Variants in CDC42SE2 observed in about 807,000 individuals in gnomAD.
The protein encoded by CDC42SE2 is CDC42 small effector protein 2.
A neutral mutation model predicts 11.5 loss-of-function variants in CDC42SE2; 3 were observed. The ratio of observed to expected loss-of-function variants is 0.26; its 90% CI spans 0.12 to 0.67. CDC42SE2 has a LOEUF of 0.67. CDC42SE2 is among the 30% of genes least tolerant of loss of function. CDC42SE2 has a pLI of 0.80. For missense variants in CDC42SE2, 82 were observed against 106.8 expected (o/e 0.77, Z 1.02); for synonymous variants, 33 against 34.8 (o/e 0.95, Z 0.18).
chr5:131,251,669 C>G (rs1756639092), intron 1 of CDC42SE2, among the ~76,000 whole-genome samples: 3 of 152,156 alleles, frequency 2.0e-5, no homozygotes, highest in Admixed American at 1.3e-4. Flanking sequence ...TGTGCAATTA[C>G]TCTTCTAAGG....
chr5:131,378,101 G>A (rs1750207818), intron 3 of CDC42SE2, among the ~76,000 whole-genome samples: 1 of 152,204 alleles, frequency 6.6e-6, no homozygotes. Flanking sequence ...TGAGCCATGT[G>A]CTGTGAATGT....
chr5:131,383,151 A>C (rs1750372464), intron 3 of CDC42SE2, among the ~76,000 whole-genome samples: 1 of 152,188 alleles, frequency 6.6e-6, no homozygotes. Flanking sequence ...GGCATGCAGC[A>C]CTCCAGATCA....
intron 2 of CDC42SE2, among the ~76,000 whole-genome samples, chr5:131,320,262 C>T (rs1360348064): frequency 2.7e-5 from 4 of 150,498 alleles, no homozygotes; most frequent in African/African-American, 9.8e-5. Context: ...CGTGGTGGTG[C>T]ATGCCTGTAA....
At chr5:131,336,191 T>C (rs963960086) in intron 2 of CDC42SE2, among the ~76,000 whole-genome samples, 3 of 152,238 alleles carry the variant, frequency 2.0e-5, no homozygotes, top group Admixed American at 2.0e-4. Context: ...CAGCATTTGC[T>C]TGTCTGTAAA....
intron 1 of CDC42SE2, among the ~76,000 whole-genome samples, chr5:131,252,036 G>A (rs1580715213): frequency 7.0e-6 from 1 of 141,966 alleles, no homozygotes; most frequent in Non-Finnish European, 1.5e-5. Flanking sequence ...AAGAAAAAAA[G>A]AGAGAAAGAA....
chr5:131,348,735 C>T lies in CDC42SE2; in HGVS notation c.-285-10474C>T, dbSNP rs191742702. 2.7e-5 allele frequency among the ~76,000 whole-genome samples: 4 copies of T among 147,086 alleles called. No homozygotes were observed. In the East Asian group the frequency reaches 7.7e-4, roughly 28 times the overall value. ...GTGGAGGCATCACACTATCTGACTT[C>T]AAACTATACTACAAGGCTACAGTAA... On this transcript the variant is annotated intron_variant, in intron 2 of 4. Coordinates refer to ENST00000505065, the MANE Select transcript of CDC42SE2 (RefSeq NM_001375635.1).
In CDC42SE2 at chr5:131,393,496, G is replaced by A. The variant is rs1750729471; in HGVS notation, c.*2405G>A. On this transcript the variant is annotated 3_prime_UTR_variant, in exon 5 of 5. Coordinates refer to ENST00000505065, the MANE Select transcript of CDC42SE2 (RefSeq NM_001375635.1). ...TGTTTAATAACAACTTCTAAAGTAA[G>A]TTGAATTCATCCATTGTCACTGATT... 6.6e-6 allele frequency: 1 copy of A among 152,382 alleles called. No homozygotes were observed. Among genetic ancestry groups the A allele is most frequent in the Admixed American group, 6.5e-5 (1 of 15,274 alleles). The allele number at this position is 152,382 out of a possible 1,614,324, so 9.4% of individuals were successfully genotyped here.
At chr5:131,336,587 C>G (rs568439631) in intron 2 of CDC42SE2, among the ~76,000 whole-genome samples, 3 of 152,196 alleles carry the variant, frequency 2.0e-5, no homozygotes, top group Non-Finnish European at 4.4e-5. Context: ...GTTCCATTCT[C>G]CCCGTCACTT....
chr5:131,343,278 A>G (rs1210799963), intron 2 of CDC42SE2, among the ~76,000 whole-genome samples: 1 of 152,212 alleles, frequency 6.6e-6, no homozygotes, highest in Non-Finnish European at 1.5e-5. Flanking sequence ...AATGTCTAGT[A>G]GACTCAAGAG....
At chr5:131,374,692 C>T (rs543464867) in intron 3 of CDC42SE2, among the ~76,000 whole-genome samples, 1 of 151,978 alleles carries the variant, frequency 6.6e-6, no homozygotes, top group Non-Finnish European at 1.5e-5. Flanking sequence ...ACACTCTTCA[C>T]ATAGAGTTAA....
chr5:131,243,585 C>CA (rs995240768), upstream of CDC42SE2, among the ~76,000 whole-genome samples: 1 of 151,896 alleles, frequency 6.6e-6, no homozygotes, highest in Middle Eastern at 3.4e-3. Context: ...GACTCCGTCT[C>CA]AAAAAAAATA....
At chr5:131,383,256 A>AAGAT (rs1171048525) in intron 3 of CDC42SE2, among the ~76,000 whole-genome samples, 3 of 152,216 alleles carry the variant, frequency 2.0e-5, no homozygotes, top group Non-Finnish European at 1.5e-5. Context: ...ATGCGAGAAA[A>AAGAT]AGATAGCAGG....
intron 1 of CDC42SE2, among the ~76,000 whole-genome samples, chr5:131,279,677 C>G (rs1054609788): frequency 6.6e-6 from 1 of 151,948 alleles, no homozygotes; most frequent in Admixed American, 6.6e-5. Flanking sequence ...CATTCCAGTC[C>G]GTTTTCCACA....
rs567568022 is a variant in CDC42SE2 at position 131,315,517 on chromosome 5, A to G, written c.-454-459A>G. Among the ~76,000 whole-genome samples, 3 of 152,312 alleles carry G rather than the reference A, an allele frequency of 2.0e-5. No individual in the cohort carries two copies. The South Asian group carries it at 6.2e-4, about 32-fold the overall frequency. ...AGTGGCGACTTCTGTGGAGAACTGC[A>G]GAGTCCCATCCACAGGGTTAGTTAG... On this transcript the variant is annotated intron_variant, in intron 1 of 4. Coordinates refer to ENST00000505065, the MANE Select transcript of CDC42SE2 (RefSeq NM_001375635.1).
chr5:131,361,155 C>G (rs931437975), intron 3 of CDC42SE2, among the ~76,000 whole-genome samples: 2 of 150,268 alleles, frequency 1.3e-5, no homozygotes, highest in Non-Finnish European at 3.0e-5. Context: ...TTCTGTTGCC[C>G]AGGCTGGAGT....
chr5:131,385,862 C>T (rs930405334), intron 4 of CDC42SE2, among the ~76,000 whole-genome samples: 2 of 152,112 alleles, frequency 1.3e-5, no homozygotes, highest in African/African-American at 2.4e-5. Flanking sequence ...GTTTCTTGTA[C>T]GCAACTCTTC....
intron 3 of CDC42SE2, among the ~76,000 whole-genome samples, chr5:131,360,909 C>T (rs1259054820): frequency 6.6e-6 from 1 of 152,026 alleles, no homozygotes; most frequent in Non-Finnish European, 1.5e-5. Context: ...TTTGCTGTGT[C>T]ATAGGGGAAA....
intron 2 of CDC42SE2, among the ~76,000 whole-genome samples, chr5:131,258,427 A>G (rs1418989928): frequency 6.6e-6 from 1 of 152,174 alleles, no homozygotes; most frequent in Non-Finnish European, 1.5e-5. Context: ...GTTCTTGGTT[A>G]CTTAGTCTGT....
chr5:131,306,727 G>A (rs1236132326), intron 1 of CDC42SE2, among the ~76,000 whole-genome samples: 1 of 151,982 alleles, frequency 6.6e-6, no homozygotes, highest in Non-Finnish European at 1.5e-5. Flanking sequence ...CCTGAACATG[G>A]GATACCATTA....
Sources: gnomAD v4.1 joint callset for allele counts (sites outside exome capture counted in the v4.1 genomes callset) on GRCh38, gnomAD v4.1.1 for gene constraint, MANE v1.5 for transcripts, NCBI Gene and HGNC (gene_info 2026-07-23, HGNC 2026-07-21) for gene names.